LRRC8C: variants seen among roughly 807,000 people sequenced by gnomAD.
LRRC8C encodes the protein volume-regulated anion channel subunit LRRC8C.
A neutral mutation model predicts 55.3 loss-of-function variants in LRRC8C; 20 were observed. The ratio of observed to expected loss-of-function variants is 0.36; its 90% CI spans 0.25 to 0.53. The LOEUF is 0.53. LRRC8C is among the 20% of genes least tolerant of loss of function. The pLI, the probability that LRRC8C is intolerant of heterozygous loss-of-function variation, is 0.92. For missense variants in LRRC8C, 659 were observed against 951.4 expected, an observed-to-expected ratio of 0.69 and a Z score of 4.04; for synonymous variants, 376 against 360.7, an observed-to-expected ratio of 1.04 and a Z score of -0.48.
At chr1:89,645,985 A>ATAGATAGATAGATAGATAGG (rs1333040994) in intron 1 of LRRC8C, among the ~76,000 whole-genome samples, 1 of 151,230 alleles carries the variant, frequency 6.6e-6, no homozygotes, top group African/African-American at 2.4e-5. Context: ...AGATAGATAG[A>ATAGATAGATAGATAGATAGG]TATGGTTACT....
At position 89,713,335 on chromosome 1, in the gene LRRC8C, T is replaced by C. The variant is rs1036004373; in HGVS notation, c.765T>C (p.Gly255=). 6.2e-7 allele frequency: 1 copy of C among 1,614,114 alleles called. No homozygotes were observed. The highest frequency in any genetic ancestry group is 1.3e-5 in the African/African-American group (1 of 74,932). Residue 255 remains glycine, a synonymous_variant, in exon 3 of 3, where the codon GGT becomes GGC. Coordinates refer to ENST00000370454, the MANE Select transcript of LRRC8C (RefSeq NM_032270.5). The surrounding 1 kb of genome is among the most constrained non-coding windows in gnomAD (Gnocchi z 5.2). ...VKKFRLHVEE[G]DILYAMYVRQ... ...AGTTCAGGCTGCATGTGGAAGAAGG[T>C]GATATTCTATATGCCATGTATGTTC...
At chr1:89,652,316 A>G (rs1034240549) in intron 1 of LRRC8C, among the ~76,000 whole-genome samples, 1 of 152,168 alleles carries the variant, frequency 6.6e-6, no homozygotes, top group Non-Finnish European at 1.5e-5. Context: ...AAAAGTTAGT[A>G]ATTATTTCCA....
At chr1:89,661,154 G>C (rs1018418285) in intron 1 of LRRC8C, 1 of 179,246 alleles carries the variant, frequency 5.6e-6, no homozygotes. Context: ...GCGGAAAATT[G>C]TGTGGATGGC....
In LRRC8C at chr1:89,686,495, C is replaced by T. The variant is rs781532253; in HGVS notation, c.22C>T (p.Arg8Trp). 5.6e-6 allele frequency: 9 copies of T among 1,614,004 alleles called. No homozygotes were observed. The highest frequency in any genetic ancestry group is 3.3e-5 in the Admixed American group (2 of 60,002). Residue 8 changes from arginine (R) to tryptophan (W), a missense_variant, in exon 2 of 3, where the codon CGG becomes TGG. Transcript: ENST00000370454. MIPVTEFRQFSEQQPAFR... is the reference protein window; with the variant it reads MIPVTEFWQFSEQQPAFR... ...AAACATGATTCCCGTGACAGAATTC[C>T]GGCAGTTCTCTGAGCAGCAGCCTGC...
intron 2 of LRRC8C, among the ~76,000 whole-genome samples, chr1:89,691,042 G>A (rs1471436109): frequency 2.0e-5 from 3 of 152,170 alleles, no homozygotes; most frequent in African/African-American, 4.8e-5. Flanking sequence ...GAATTCATAC[G>A]GGGTGGACTA....
rs1392661360 is a variant in LRRC8C at position 89,708,997 on chromosome 1, A to C, written c.139-3712A>C. Among the ~76,000 whole-genome samples the C allele has an allele frequency of 2.6e-5, 4 of 152,188 alleles. No homozygotes were observed. In the East Asian group the frequency reaches 7.7e-4, roughly 29 times the overall value. ...TTTCTGGGTGATTAACAGCTTTTGG[A>C]AAATAGATTACTGTCTTTATTCTCC... is the stretch of plus-strand genomic sequence containing the variant. On this transcript the variant is annotated intron_variant, in intron 2 of 2. Coordinates refer to ENST00000370454, the MANE Select transcript of LRRC8C (RefSeq NM_032270.5).
chr1:89,639,732 G>A lies in LRRC8C; in HGVS notation c.-5+6410G>A, dbSNP rs1400214468. ...GCACTTGCAAAGTGTCTGGGGCATA[G>A]CTGCTCAATAAATAATCATGTTATA... On this transcript the variant is annotated intron_variant, in intron 1 of 2. Coordinates refer to ENST00000370454, the MANE Select transcript of LRRC8C (RefSeq NM_032270.5). Among the ~76,000 whole-genome samples, 2 of 152,226 alleles carry A rather than the reference G, an allele frequency of 1.3e-5. 1 individual carries two copies. The highest frequency in any genetic ancestry group is 3.8e-4 in the East Asian group (2 of 5,200).
the LRRC8C span, among the ~76,000 whole-genome samples, chr1:89,626,035 G>C: frequency 1.3e-5 from 2 of 152,248 alleles, no homozygotes; most frequent in Non-Finnish European, 2.9e-5. Flanking sequence ...ATTGTCTTTA[G>C]AATAACTCAC....
intron 1 of LRRC8C, among the ~76,000 whole-genome samples, chr1:89,637,482 AG>A (rs1316530966): frequency 6.6e-6 from 1 of 151,398 alleles, no homozygotes; most frequent in African/African-American, 2.4e-5. Context: ...TATAAATATG[AG>A]GGGTAGAAAA....
chr1:89,668,086 T>C (rs1657321267), intron 1 of LRRC8C: 1 of 152,610 alleles, frequency 6.6e-6, no homozygotes, highest in African/African-American at 2.4e-5. Context: ...AGTATCTTGA[T>C]TATATTAATT....
chr1:89,629,806 A>G (rs1414504604), upstream of LRRC8C: 1 of 152,246 alleles, frequency 6.6e-6, no homozygotes, highest in Non-Finnish European at 1.5e-5. Context: ...TCACACAAGG[A>G]AGGAAGAGTT....
At chr1:89,646,538 T>A (rs1260250709) in intron 1 of LRRC8C, among the ~76,000 whole-genome samples, 1 of 152,184 alleles carries the variant, frequency 6.6e-6, no homozygotes, top group African/African-American at 2.4e-5. Flanking sequence ...TTCTCCTTTA[T>A]TATTTCAGTA....
At chr1:89,659,912 T>G (rs997442082) in intron 1 of LRRC8C, among the ~76,000 whole-genome samples, 14 of 152,098 alleles carry the variant, frequency 9.2e-5, no homozygotes, top group African/African-American at 3.4e-4. Flanking sequence ...GGAATGGAGA[T>G]AGTTGAGAAT....
chr1:89,644,197 C>G (rs1487785068), intron 1 of LRRC8C, among the ~76,000 whole-genome samples: 1 of 152,144 alleles, frequency 6.6e-6, no homozygotes, highest in South Asian at 2.1e-4. Flanking sequence ...TTAGTTGAGA[C>G]AAGGTCTCGC....
intron 2 of LRRC8C, among the ~76,000 whole-genome samples, chr1:89,695,746 G>A (rs1658156776): frequency 6.6e-6 from 1 of 152,156 alleles, no homozygotes; most frequent in Admixed American, 6.5e-5. Flanking sequence ...GCTAGATCAA[G>A]TTAATTTAAA....
chr1:89,635,441 A>G (rs981498025), intron 1 of LRRC8C, among the ~76,000 whole-genome samples: 5 of 152,196 alleles, frequency 3.3e-5, no homozygotes, highest in Admixed American at 3.3e-4. Context: ...GGTTCTTACA[A>G]TGAACCCCTA....
At chr1:89,627,834 C>G in the LRRC8C span, among the ~76,000 whole-genome samples, 1 of 152,176 alleles carries the variant, frequency 6.6e-6, no homozygotes, top group Admixed American at 6.5e-5. Context: ...TGAGACAATG[C>G]ATATAAAGCT....
chr1:89,710,295 C>G (rs1479210769), intron 2 of LRRC8C, among the ~76,000 whole-genome samples: 2 of 152,022 alleles, frequency 1.3e-5, no homozygotes, highest in African/African-American at 4.8e-5. Flanking sequence ...AGGCTTTCTC[C>G]TGGTGGTTTT....
intron 2 of LRRC8C, among the ~76,000 whole-genome samples, chr1:89,689,523 G>A (rs1164509301): frequency 1.3e-5 from 2 of 152,206 alleles, no homozygotes; most frequent in East Asian, 3.8e-4. Flanking sequence ...TGGAAGGCTA[G>A]TGCAATAATC....
Sources: gnomAD v4.1 joint callset for allele counts (sites outside exome capture counted in the v4.1 genomes callset) on GRCh38, gnomAD v4.1.1 for gene constraint, Gnocchi (gnomAD v3.1) non-coding constraint, MANE v1.5 for transcripts, NCBI Gene and HGNC (gene_info 2026-07-23, HGNC 2026-07-21) for gene names.